Variants in SLC5A11 observed in about 807,000 individuals in gnomAD.
The protein encoded by SLC5A11 is sodium/myo-inositol cotransporter 2.
Under a neutral mutation model 69.8 loss-of-function variants are expected in SLC5A11, and 48 were observed. That is an observed-to-expected ratio of 0.69 (90% CI 0.55 to 0.87). The LOEUF (loss-of-function observed/expected upper bound fraction) is 0.87. SLC5A11 is among the 40% of genes least tolerant of loss of function. SLC5A11 has a pLI of 0.00. For missense variants in SLC5A11, 784 were observed against 866.1 expected (o/e 0.91, Z 1.19); for synonymous variants, 319 against 342.4 (o/e 0.93, Z 0.75).
chr16:24,877,996 A>G (rs1405594604), intron 7 of SLC5A11, among the ~76,000 whole-genome samples: 1 of 151,224 alleles, frequency 6.6e-6, no homozygotes, highest in Non-Finnish European at 1.5e-5. Context: ...AACTACAACA[A>G]CAAAAAATTA....
At chr16:24,858,987 C>T (rs1339015267) in intron 2 of SLC5A11, among the ~76,000 whole-genome samples, 1 of 152,172 alleles carries the variant, frequency 6.6e-6, no homozygotes, top group Non-Finnish European at 1.5e-5. Flanking sequence ...TTTTCACTTA[C>T]ATTTCTCATG....
At chr16:24,858,870 TACTG>T in intron 2 of SLC5A11, 92 bp downstream of exon 3, 1 of 1,444,956 alleles carries the variant, frequency 6.9e-7, no homozygotes, top group Non-Finnish European at 9.2e-7. Flanking sequence ...GGAGCTAAGA[TACTG>T]ACTGTGAGAG....
intron 9 of SLC5A11, among the ~76,000 whole-genome samples, chr16:24,895,581 G>A (rs1158743502): frequency 3.8e-5 from 5 of 130,036 alleles, no homozygotes; most frequent in African/African-American, 1.1e-4. Context: ...GGAAGGGAGG[G>A]AAGGGAAAAG....
intron 7 of SLC5A11, among the ~76,000 whole-genome samples, chr16:24,880,765 C>T (rs1335990988): frequency 2.0e-5 from 3 of 152,092 alleles, no homozygotes; most frequent in Admixed American, 6.6e-5. Context: ...CCCCAACACG[C>T]GGGGATTACA....
At chr16:24,855,608 AAAAGAG>A (rs2059495301) in intron 1 of SLC5A11, among the ~76,000 whole-genome samples, 1 of 152,020 alleles carries the variant, frequency 6.6e-6, no homozygotes, top group South Asian at 2.1e-4. Context: ...TCTCTTTAAA[AAAAGAG>A]AAAAAGTGAT....
At chr16:24,896,863 G>C (rs1204238432) in intron 9 of SLC5A11, among the ~76,000 whole-genome samples, 1 of 149,662 alleles carries the variant, frequency 6.7e-6, no homozygotes, top group African/African-American at 2.5e-5. Context: ...TATCATGGCA[G>C]AGATGCAGCC....
At chr16:24,886,680 A>G (rs1386625213) in intron 8 of SLC5A11, among the ~76,000 whole-genome samples, 1 of 152,222 alleles carries the variant, frequency 6.6e-6, no homozygotes, top group East Asian at 1.9e-4. Flanking sequence ...GTGAAGTATA[A>G]GAATACTTTT....
intron 1 of SLC5A11, among the ~76,000 whole-genome samples, chr16:24,855,979 G>A (rs751644901): frequency 2.0e-5 from 3 of 152,170 alleles, no homozygotes; most frequent in East Asian, 1.9e-4. Flanking sequence ...CCCTGCCCGC[G>A]TTCTTGCTTC....
At chr16:24,878,860 C>T (rs992435687) in intron 7 of SLC5A11, among the ~76,000 whole-genome samples, 17 of 152,092 alleles carry the variant, frequency 1.1e-4, no homozygotes, top group African/African-American at 3.4e-4. Context: ...TGGCAAAACC[C>T]GGTCTCTACT....
chr16:24,856,643 C>T (rs2059547783), intron 1 of SLC5A11, among the ~76,000 whole-genome samples: 1 of 147,116 alleles, frequency 6.8e-6, no homozygotes. Context: ...TGGTGGTGGG[C>T]GCCTGTAGTC....
intron 6 of SLC5A11, among the ~76,000 whole-genome samples, chr16:24,876,559 C>T (rs2047687696): frequency 6.6e-6 from 1 of 152,094 alleles, no homozygotes; most frequent in South Asian, 2.1e-4. Flanking sequence ...GGAGCTTGTC[C>T]TATGGGAAGG....
intron 1 of SLC5A11, among the ~76,000 whole-genome samples, chr16:24,854,185 C>T (rs1235286500): frequency 1.3e-5 from 2 of 152,198 alleles, no homozygotes; most frequent in Admixed American, 1.3e-4. Context: ...CAGCCGCCGC[C>T]CCTCCTCCCT....
chr16:24,906,753 T>C, exon 11 of SLC5A11: 1 of 1,612,390 alleles, frequency 6.2e-7, no homozygotes, highest in Non-Finnish European at 8.5e-7. Flanking sequence ...GTGCTGGAAC[T>C]CCTGCCCACA....
intron 1 of SLC5A11, among the ~76,000 whole-genome samples, chr16:24,847,568 C>A (rs955759116): frequency 5.3e-5 from 8 of 152,060 alleles, no homozygotes; most frequent in African/African-American, 1.7e-4. Flanking sequence ...GTTGCCTTGG[C>A]TGGTCTCAAT....
intron 3 of SLC5A11, among the ~76,000 whole-genome samples, chr16:24,864,174 T>G (rs1192953289): frequency 6.6e-6 from 1 of 152,290 alleles, no homozygotes; most frequent in Non-Finnish European, 1.5e-5. Context: ...TAGAAGGCCA[T>G]GTGCATAGGC....
intron 9 of SLC5A11, 119 bp from the exon 11 acceptor site, chr16:24,897,855 T>C: frequency 7.5e-7 from 1 of 1,325,834 alleles, no homozygotes; most frequent in South Asian, 1.4e-5. Flanking sequence ...TATCTCCCAC[T>C]GACTCCCTCC....
intron 10 of SLC5A11, among the ~76,000 whole-genome samples, chr16:24,900,388 A>G: frequency 6.6e-6 from 1 of 152,164 alleles, no homozygotes; most frequent in Non-Finnish European, 1.5e-5. Flanking sequence ...AAGAAGCAGG[A>G]GAAAAGAGAT....
At chr16:24,877,727 T>C (rs927996611) in intron 7 of SLC5A11, among the ~76,000 whole-genome samples, 14 of 152,116 alleles carry the variant, frequency 9.2e-5, no homozygotes, top group African/African-American at 3.4e-4. Context: ...GGCTTACGCC[T>C]GTAATCCCTG....
At chr16:24,877,724 G>A (rs529520128) in intron 7 of SLC5A11, among the ~76,000 whole-genome samples, 5 of 152,110 alleles carry the variant, frequency 3.3e-5, no homozygotes, top group South Asian at 2.1e-4. Flanking sequence ...GGTGGCTTAC[G>A]CCTGTAATCC....
Sources: gnomAD v4.1 joint callset for allele counts (sites outside exome capture counted in the v4.1 genomes callset) on GRCh38, gnomAD v4.1.1 for gene constraint, MANE v1.5 for transcripts, NCBI Gene and HGNC (gene_info 2026-07-23, HGNC 2026-07-21) for gene names.